The following TLK1 variants were observed in gnomAD, a reference collection of about 807,000 sequenced individuals.
TLK1 encodes tousled like kinase 1.
In TLK1, 24 loss-of-function variants were observed where a neutral mutation model predicts 105.3. That is an observed-to-expected ratio of 0.23 (90% CI 0.17 to 0.32). TLK1 has a LOEUF of 0.32. Among genes scored for constraint, TLK1 ranks in the 10% least tolerant of loss-of-function variants. TLK1 has a pLI of 1.00. For missense variants in TLK1, 558 were observed against 910.5 expected (o/e 0.61, Z 4.98); for synonymous variants, 321 against 310.4 (o/e 1.03, Z -0.36).
At chr2:171,216,365 A>G (rs1693713874) in intron 1 of TLK1, among the ~76,000 whole-genome samples, 2 of 151,990 alleles carry the variant, frequency 1.3e-5, no homozygotes, top group African/African-American at 4.8e-5. Flanking sequence ...AGTCCCAGCT[A>G]CTCGGGAGGC....
intron 1 of TLK1, among the ~76,000 whole-genome samples, chr2:171,151,476 T>C (rs1044085928): frequency 6.8e-6 from 1 of 146,560 alleles, no homozygotes; most frequent in Non-Finnish European, 1.5e-5. Context: ...GTATCTTTTT[T>C]TTTTTTTTTT....
At chr2:171,201,242 T>C (rs533912763) in intron 1 of TLK1, among the ~76,000 whole-genome samples, 2 of 152,294 alleles carry the variant, frequency 1.3e-5, no homozygotes, top group South Asian at 4.1e-4. Context: ...CAAAAGTTTT[T>C]ACATTCATAG....
At chr2:171,005,545 C>T (rs1418916103) in intron 18 of TLK1, among the ~76,000 whole-genome samples, 1 of 152,130 alleles carries the variant, frequency 6.6e-6, no homozygotes, top group African/African-American at 2.4e-5. Flanking sequence ...CAAGACCAGC[C>T]TGGGCAACAA....
chr2:171,181,772 C>T (rs1237725920), intron 1 of TLK1, among the ~76,000 whole-genome samples: 1 of 152,182 alleles, frequency 6.6e-6, no homozygotes, highest in Non-Finnish European at 1.5e-5. Flanking sequence ...CAAACACCTC[C>T]CATTAGGTCC....
intron 1 of TLK1, among the ~76,000 whole-genome samples, chr2:171,187,873 A>G (rs1464557029): frequency 1.3e-5 from 2 of 152,212 alleles, no homozygotes; most frequent in Admixed American, 6.5e-5. Flanking sequence ...GAAACTTACT[A>G]TAAGTAGAGA....
At chr2:171,117,587 A>T in intron 2 of TLK1, 152 bp downstream of exon 2, 1 of 638,566 alleles carries the variant, frequency 1.6e-6, no homozygotes, top group South Asian at 2.0e-5. Flanking sequence ...GGTATACTAC[A>T]TTAAAAACGC....
At chr2:171,070,959 G>A (rs767498458) in intron 3 of TLK1, among the ~76,000 whole-genome samples, 39 of 152,244 alleles carry the variant, frequency 2.6e-4, no homozygotes, top group Non-Finnish European at 4.9e-4. Flanking sequence ...CTGGATAAAA[G>A]CCATTTTAAC....
In TLK1 at chr2:170,996,635, T is replaced by C. The variant is rs200299178; in HGVS notation, c.2124+18A>G. 6.8e-5 allele frequency: 109 copies of C among 1,595,756 alleles called. 3 individuals are homozygous for C. The South Asian group carries it at 1.2e-3, about 17-fold the overall frequency. On this transcript the variant is annotated intron_variant, in intron 20 of 20. Coordinates refer to ENST00000431350, the MANE Select transcript of TLK1 (RefSeq NM_012290.5). ...AAGAAAAGTTACTTCACAAAACTCA[T>C]TTACAAAAATTTAATACCTTGGCTT...
intron 1 of TLK1, among the ~76,000 whole-genome samples, chr2:171,153,480 A>G (rs970024901): frequency 6.6e-6 from 1 of 152,380 alleles, no homozygotes; most frequent in Admixed American, 6.5e-5. Flanking sequence ...GTCCTTTGAC[A>G]AAACTTTTAG....
intron 2 of TLK1, among the ~76,000 whole-genome samples, chr2:171,098,598 C>G (rs1271194597): frequency 1.3e-5 from 2 of 152,084 alleles, no homozygotes; most frequent in Non-Finnish European, 2.9e-5. Flanking sequence ...TTCCAAAGAA[C>G]AGAAGGAACA....
At chr2:171,129,880 C>CATCA (rs1485592925) in intron 1 of TLK1, among the ~76,000 whole-genome samples, 3 of 150,732 alleles carry the variant, frequency 2.0e-5, no homozygotes, top group African/African-American at 4.9e-5. Flanking sequence ...CATAACATAA[C>CATCA]ATAACATGGG....
At chr2:171,001,875 G>C (rs1233922386) in intron 18 of TLK1, among the ~76,000 whole-genome samples, 2 of 151,992 alleles carry the variant, frequency 1.3e-5, no homozygotes, top group Non-Finnish European at 2.9e-5. Flanking sequence ...CTGCCTACTG[G>C]GTTCAAGCAA....
intron 1 of TLK1, among the ~76,000 whole-genome samples, chr2:171,148,924 TGTGC>T (rs1228255976): frequency 4.1e-5 from 6 of 147,210 alleles, no homozygotes; most frequent in East Asian, 2.0e-4. Context: ...TGTGTGTGTG[TGTGC>T]GTGTGCGTGT....
At chr2:171,000,516 GA>G (rs1336017814) in intron 18 of TLK1, among the ~76,000 whole-genome samples, 11 of 151,380 alleles carry the variant, frequency 7.3e-5, no homozygotes, top group African/African-American at 9.7e-5. Flanking sequence ...TAAGCTAGAA[GA>G]AAAAAACTGC....
intron 1 of TLK1, among the ~76,000 whole-genome samples, chr2:171,189,167 T>A (rs1693094787): frequency 9.3e-6 from 1 of 107,696 alleles, no homozygotes; most frequent in Admixed American, 8.6e-5. Flanking sequence ...ATAGTACAAT[T>A]TTTTTTTTTT....
rs373796060 is a variant in TLK1, at chr2:171,115,170, C to CTTTTTTTTTTTTTTTTTTTTTTTT, written c.258+2568_258+2569insAAAAAAAAAAAAAAAAAAAAAAAA. Among the ~76,000 whole-genome samples, 2 of 135,770 alleles carry CTTTTTTTTTTTTTTTTTTTTTTTT rather than the reference C, an allele frequency of 1.5e-5. 1 individual carries two copies. The highest frequency in any genetic ancestry group is 6.0e-5 in the African/African-American group (2 of 33,140). The allele number at this position is 135,770 out of a possible 152,430, so 89.1% of individuals were successfully genotyped here. A position where few individuals can be genotyped will look rare whatever the true frequency, so the allele number is the denominator to read the frequency against. On this transcript the variant is annotated intron_variant, in intron 2 of 20. Transcript: ENST00000431350. ...ATCTTGCTTCATCTTTTAAGAATTT[C>CTTTTTTTTTTTTTTTTTTTTTTTT]TTTCTTTTTTTTTTTTTTGAGACTG...
At chr2:171,158,352 G>A (rs1463962770) in intron 1 of TLK1, among the ~76,000 whole-genome samples, 3 of 151,960 alleles carry the variant, frequency 2.0e-5, no homozygotes, top group African/African-American at 7.3e-5. Flanking sequence ...CTAAACTGCC[G>A]GAAAAAATTA....
chr2:171,013,413 C>T (rs1456625137), intron 13 of TLK1, among the ~76,000 whole-genome samples: 1 of 147,790 alleles, frequency 6.8e-6, no homozygotes, highest in African/African-American at 2.5e-5. Context: ...TCAGGCGATC[C>T]TCCCTCCTCA....
At position 171,082,141 on chromosome 2, in the gene TLK1, A is replaced by C. The variant is rs1688783921; in HGVS notation, c.330+640T>G. On this transcript the variant is annotated intron_variant, in intron 3 of 20. Coordinates refer to ENST00000431350, the MANE Select transcript of TLK1 (RefSeq NM_012290.5). ...GTAACATCAACAAATGAATGCTAAA[A>C]CTCACGGAACTTCCTGTCTACCCAT... 1.3e-5 allele frequency among the ~76,000 whole-genome samples: 2 copies of C among 151,870 alleles called. 1 individual carries two copies.
Sources: allele counts gnomAD v4.1 joint callset (sites outside exome capture counted in the v4.1 genomes callset), GRCh38; gene constraint gnomAD v4.1.1; transcripts MANE v1.5; gene names NCBI Gene and HGNC (gene_info 2026-07-23, HGNC 2026-07-21).